Variants in ACYP2 observed in about 807,000 individuals in gnomAD.
ACYP2 encodes acylphosphatase-2.
In ACYP2, 12 loss-of-function variants were observed where a neutral mutation model predicts 11.2. The observed-to-expected ratio is 1.08, with a 90% CI of 0.69 to 1.74. The LOEUF (loss-of-function observed/expected upper bound fraction) is 1.74, where lower values mean the gene tolerates loss of function less well. ACYP2 is among the 40% of genes most tolerant of loss of function. The pLI, the probability that ACYP2 is intolerant of heterozygous loss-of-function variation, is 0.00. For missense variants in ACYP2, 134 were observed against 101.9 expected (o/e 1.31, Z -1.35); for synonymous variants, 43 against 32.2 (o/e 1.33, Z -1.13).
chr2:54,206,755 A>G (rs1685083982), intron 6 of ACYP2, among the ~76,000 whole-genome samples: 1 of 152,192 alleles, frequency 6.6e-6, no homozygotes, highest in Non-Finnish European at 1.5e-5. Context: ...GTTCCCCTGT[A>G]GGGGGTGCAA....
chr2:54,027,734 C>G (rs1435324055), intron 2 of ACYP2, among the ~76,000 whole-genome samples: 1 of 151,524 alleles, frequency 6.6e-6, no homozygotes, highest in Non-Finnish European at 1.5e-5. Context: ...AAAGTCCATA[C>G]TTTATTCAGA....
chr2:54,011,064 A>C (rs1673345241), intron 2 of ACYP2, among the ~76,000 whole-genome samples: 3 of 152,094 alleles, frequency 2.0e-5, no homozygotes, highest in Admixed American at 6.6e-5. Context: ...ATTATTAATA[A>C]TCTTGGCTAG....
At chr2:54,256,417 C>G in intron 6 of ACYP2, 1 of 470,106 alleles carries the variant, frequency 2.1e-6, no homozygotes, top group Non-Finnish European at 3.9e-6. Context: ...TAGCCAAAGT[C>G]TAATGAGCTG....
At chr2:54,104,384 A>G (rs1176878203) in intron 4 of ACYP2, among the ~76,000 whole-genome samples, 1 of 152,220 alleles carries the variant, frequency 6.6e-6, no homozygotes, top group Admixed American at 6.5e-5. Context: ...ATTATAGTGT[A>G]TTATATATTT....
chr2:53,977,813 C>A (rs1671568165), intron 2 of ACYP2, among the ~76,000 whole-genome samples: 1 of 151,348 alleles, frequency 6.6e-6, no homozygotes, highest in African/African-American at 2.4e-5. Context: ...TCAGTCACCT[C>A]ACATACTTAA....
At chr2:54,095,593 C>T (rs1382461351) in intron 4 of ACYP2, among the ~76,000 whole-genome samples, 5 of 148,074 alleles carry the variant, frequency 3.4e-5, no homozygotes, top group African/African-American at 1.0e-4. Context: ...CCGGACGGGG[C>T]GGCTGGCCGA....
chr2:54,119,247 G>T (rs1680001581), intron 4 of ACYP2, among the ~76,000 whole-genome samples: 1 of 151,442 alleles, frequency 6.6e-6, no homozygotes, highest in East Asian at 1.9e-4. Context: ...GGTAGAGAGG[G>T]AGTCTCACTA....
chr2:54,125,907 C>G (rs1042717263), intron 4 of ACYP2, among the ~76,000 whole-genome samples: 2 of 151,936 alleles, frequency 1.3e-5, no homozygotes, highest in Non-Finnish European at 2.9e-5. Flanking sequence ...ATGGAGAAAC[C>G]TGGTTTCTAC....
chr2:54,066,865 G>A (rs1183867175), intron 4 of ACYP2, among the ~76,000 whole-genome samples: 1 of 152,164 alleles, frequency 6.6e-6, no homozygotes, highest in Non-Finnish European at 1.5e-5. Context: ...TATAAATTAG[G>A]ATGAGAAAAA....
At chr2:54,114,936 TA>T (rs1294244409) in intron 4 of ACYP2, among the ~76,000 whole-genome samples, 6 of 151,870 alleles carry the variant, frequency 4.0e-5, no homozygotes, top group Admixed American at 2.0e-4. Flanking sequence ...AAACATTTCA[TA>T]AATAATTTAC....
At chr2:54,300,094 C>T (rs1689665431) in intron 6 of ACYP2, among the ~76,000 whole-genome samples, 1 of 152,258 alleles carries the variant, frequency 6.6e-6, no homozygotes, top group Non-Finnish European at 1.5e-5. Context: ...CCAAATTGCT[C>T]TCCAATTTTT....
chr2:54,152,191 C>T (rs1302719709), intron 6 of ACYP2, among the ~76,000 whole-genome samples: 2 of 146,324 alleles, frequency 1.4e-5, no homozygotes, highest in Non-Finnish European at 3.0e-5. Flanking sequence ...GGTCATAGCT[C>T]ACTATAACCT....
At chr2:53,985,655 G>C (rs1455735929) in intron 2 of ACYP2, among the ~76,000 whole-genome samples, 1 of 152,084 alleles carries the variant, frequency 6.6e-6, no homozygotes. Flanking sequence ...GCTTTAGTTG[G>C]GATATTTGAC....
chr2:54,072,710 G>A (rs1318016018), intron 4 of ACYP2, among the ~76,000 whole-genome samples: 3 of 151,810 alleles, frequency 2.0e-5, no homozygotes, highest in African/African-American at 4.8e-5. Context: ...CTACAGGCAC[G>A]TGCCACTGTG....
At position 54,249,653 on chromosome 2, in the gene ACYP2, C is replaced by G. The variant is rs147757200; in HGVS notation, c.405-55035C>G. 3.2e-3 allele frequency among the ~76,000 whole-genome samples: 481 copies of G among 152,054 alleles called. 4 individuals are homozygous for G. The highest frequency in any genetic ancestry group is 0.01 in the African/African-American group (434 of 41,492). On this transcript the variant is annotated intron_variant, in intron 6 of 6. Transcript: ENST00000607452. ...TATGTTTCAAAACTTACTAAAAAGA[C>G]AAAAATGGGCTGGGCACAGTGGCTC...
chr2:54,116,502 G>GTTT (rs57486234), intron 4 of ACYP2, among the ~76,000 whole-genome samples: 120 of 129,246 alleles, frequency 9.3e-4, no homozygotes, highest in Non-Finnish European at 1.5e-3. Flanking sequence ...TTGCTTGAGG[G>GTTT]TTTTTTTTTT....
chr2:54,095,656 G>T (rs182839744), intron 4 of ACYP2, among the ~76,000 whole-genome samples: 1 of 133,622 alleles, frequency 7.5e-6, no homozygotes, highest in South Asian at 2.6e-4. Flanking sequence ...TGGCCGCGCG[G>T]GGGGCTGACC....
intron 4 of ACYP2, among the ~76,000 whole-genome samples, chr2:54,094,190 TTGGTAGGCAGAGAAGAAGACA>T (rs968034681): frequency 2.0e-5 from 3 of 151,996 alleles, no homozygotes; most frequent in Non-Finnish European, 2.9e-5. Context: ...AAGGAAGATT[TTGGTAGGCAGAGAAGAAGACA>T]TGGTGGGGAG....
chr2:54,104,116 C>T (rs373645765), intron 4 of ACYP2, among the ~76,000 whole-genome samples: 231 of 152,268 alleles, frequency 1.5e-3, no homozygotes, highest in African/African-American at 5.3e-3. Context: ...TTAAAATGAA[C>T]TTCGAGCTGT....
Sources: allele counts gnomAD v4.1 joint callset (sites outside exome capture counted in the v4.1 genomes callset), GRCh38; gene constraint gnomAD v4.1.1; transcripts MANE v1.5; gene names NCBI Gene and HGNC (gene_info 2026-07-23, HGNC 2026-07-21).